Variants in FAM210A observed in about 807,000 individuals in gnomAD.
The protein encoded by FAM210A is family with sequence similarity 210 member A.
In FAM210A, 13 loss-of-function variants were observed where a neutral mutation model predicts 25.3. That is an observed-to-expected ratio of 0.51 (90% CI 0.33 to 0.82). The LOEUF is 0.82. Ranked by LOEUF, FAM210A falls within the 40% of genes least tolerant of loss-of-function variation. The probability of loss-of-function intolerance (pLI) is 0.02; values close to 1 mark genes in which losing one functional copy is unlikely to be tolerated. For missense variants in FAM210A, 319 were observed against 323.2 expected, an observed-to-expected ratio of 0.99 and a Z score of 0.10; for synonymous variants, 125 against 118.7, an observed-to-expected ratio of 1.05 and a Z score of -0.35.
At chr18:13,684,390 C>G (rs557928988) in intron 1 of FAM210A, among the ~76,000 whole-genome samples, 1 of 151,530 alleles carries the variant, frequency 6.6e-6, no homozygotes, top group South Asian at 2.1e-4. Context: ...CAGAGTGAGA[C>G]TCGTCTCAAA....
intron 1 of FAM210A, among the ~76,000 whole-genome samples, 167 bp downstream of exon 1, chr18:13,726,162 G>T (rs1367411879): frequency 6.6e-6 from 1 of 152,134 alleles, no homozygotes; most frequent in Non-Finnish European, 1.5e-5. Flanking sequence ...GGGTCGGCGA[G>T]TGTGGACGAC....
intron 2 of FAM210A, among the ~76,000 whole-genome samples, chr18:13,680,043 C>T (rs760813467): frequency 1.7e-4 from 26 of 152,132 alleles, no homozygotes; most frequent in Admixed American, 1.0e-3. Context: ...GCCAGGAGGC[C>T]GAATGCCTTG....
chr18:13,720,594 CT>C (rs1419500110), intron 1 of FAM210A, among the ~76,000 whole-genome samples: 1 of 152,152 alleles, frequency 6.6e-6, no homozygotes, highest in Non-Finnish European at 1.5e-5. Flanking sequence ...ACCAGTAAGT[CT>C]AGAGTAGTTG....
At chr18:13,696,103 T>G (rs903946193) in intron 1 of FAM210A, among the ~76,000 whole-genome samples, 2 of 152,194 alleles carry the variant, frequency 1.3e-5, no homozygotes, top group African/African-American at 4.8e-5. Context: ...AATGGAGAGA[T>G]AGTCTACATT....
intron 1 of FAM210A, among the ~76,000 whole-genome samples, chr18:13,685,586 A>C (rs932584772): frequency 6.6e-6 from 1 of 152,200 alleles, no homozygotes; most frequent in Non-Finnish European, 1.5e-5. Flanking sequence ...ATTGCCAATC[A>C]GAAAATCTTT....
At chr18:13,702,855 A>C (rs1036750647) in intron 1 of FAM210A, among the ~76,000 whole-genome samples, 1 of 152,188 alleles carries the variant, frequency 6.6e-6, no homozygotes, top group Non-Finnish European at 1.5e-5. Flanking sequence ...TTCTAAGAGC[A>C]CCTGTGAGGT....
rs1394340272 is a variant in FAM210A at position 13,664,746 on chromosome 18, A to T, written c.*1734T>A. The T allele has an allele frequency of 1.3e-5, 2 of 152,228 alleles. No homozygotes were observed. The highest frequency in any genetic ancestry group is 2.9e-5 in the Non-Finnish European group (2 of 68,040). The allele number at this position is 152,228 out of a possible 1,614,324, so 9.4% of individuals were successfully genotyped here. ...TATAGTAATTAGACTCATCAAATAC[A>T]AACTTTTTTTCCCCTTTAAACTATA... On this transcript the variant is annotated 3_prime_UTR_variant, in exon 4 of 4. Coordinates refer to ENST00000651643, the MANE Select transcript of FAM210A (RefSeq NM_152352.4).
chr18:13,682,701 T>C (rs1362660106), intron 1 of FAM210A, among the ~76,000 whole-genome samples: 13 of 152,092 alleles, frequency 8.5e-5, no homozygotes, highest in Admixed American at 7.2e-4. Context: ...AAACCCTGTC[T>C]CTACTAAAAA....
At chr18:13,698,794 C>A (rs578257064) in intron 1 of FAM210A, among the ~76,000 whole-genome samples, 1 of 152,146 alleles carries the variant, frequency 6.6e-6, no homozygotes, top group Non-Finnish European at 1.5e-5. Flanking sequence ...CGATATCCTC[C>A]GGGGCAGCAA....
At chr18:13,683,484 A>G (rs1192234103) in intron 1 of FAM210A, among the ~76,000 whole-genome samples, 1 of 151,354 alleles carries the variant, frequency 6.6e-6, no homozygotes, top group Non-Finnish European at 1.5e-5. Flanking sequence ...AGGACACTTG[A>G]GCCCAGGTAT....
chr18:13,668,340 G>A (rs537589887), intron 3 of FAM210A, among the ~76,000 whole-genome samples: 1 of 152,240 alleles, frequency 6.6e-6, no homozygotes, highest in East Asian at 1.9e-4. Flanking sequence ...CTAGTTCATG[G>A]CGGCTTCTCA....
intron 1 of FAM210A, among the ~76,000 whole-genome samples, chr18:13,683,329 C>A (rs941948633): frequency 1.3e-5 from 2 of 152,156 alleles, no homozygotes; most frequent in Admixed American, 6.5e-5. Context: ...TTCTTCCCCA[C>A]CCCCATATCA....
At chr18:13,667,996 G>A (rs935437358) in intron 3 of FAM210A, among the ~76,000 whole-genome samples, 5 of 152,318 alleles carry the variant, frequency 3.3e-5, no homozygotes, top group African/African-American at 1.2e-4. Flanking sequence ...CTAGGAGTTC[G>A]AGGCTGCAGG....
At chr18:13,691,938 G>A (rs12962373) in intron 1 of FAM210A, among the ~76,000 whole-genome samples, 33,678 of 40,080 alleles carry the variant, frequency 0.84, 14,886 homozygotes, top group East Asian at 0.94. Flanking sequence ...AAATGCTCCA[G>A]TTAAAAAACA....
intron 1 of FAM210A, among the ~76,000 whole-genome samples, chr18:13,690,936 A>G (rs1372879883): frequency 2.0e-5 from 3 of 152,222 alleles, no homozygotes; most frequent in African/African-American, 2.4e-5. Flanking sequence ...GCTTCAGACG[A>G]TCGGTAATAA....
intron 1 of FAM210A, among the ~76,000 whole-genome samples, chr18:13,720,246 A>G (rs2043888160): frequency 6.6e-6 from 1 of 152,188 alleles, no homozygotes; most frequent in Non-Finnish European, 1.5e-5. Context: ...TCAATCTGCC[A>G]CTGACATTTC....
intron 3 of FAM210A, among the ~76,000 whole-genome samples, chr18:13,670,164 C>T (rs2043430198): frequency 6.6e-6 from 1 of 152,148 alleles, no homozygotes; most frequent in Admixed American, 6.5e-5. Context: ...TTCTGAGTTC[C>T]TGGGAGCTCC....
intron 1 of FAM210A, among the ~76,000 whole-genome samples, chr18:13,714,822 T>C (rs2043847558): frequency 6.6e-6 from 1 of 152,218 alleles, no homozygotes; most frequent in Non-Finnish European, 1.5e-5. Flanking sequence ...ATTCATTATC[T>C]TGGGGGATTT....
At chr18:13,695,218 A>G (rs1199065662) in intron 1 of FAM210A, among the ~76,000 whole-genome samples, 2 of 152,174 alleles carry the variant, frequency 1.3e-5, no homozygotes, top group African/African-American at 2.4e-5. Flanking sequence ...GAAACAACAG[A>G]TGCTGGAGAG....
Sources: allele counts gnomAD v4.1 joint callset (sites outside exome capture counted in the v4.1 genomes callset), GRCh38; gene constraint gnomAD v4.1.1; transcripts MANE v1.5; gene names NCBI Gene and HGNC (gene_info 2026-07-23, HGNC 2026-07-21).